Variants in KIF26B observed in about 807,000 individuals in gnomAD.
KIF26B encodes the protein kinesin family member 26B.
In KIF26B, 63 loss-of-function variants were observed where a neutral mutation model predicts 151.2. The observed-to-expected ratio is 0.42, with a 90% CI of 0.34 to 0.51. KIF26B has a LOEUF of 0.51. KIF26B is among the 20% of genes least tolerant of loss of function. KIF26B has a pLI of 0.07. For synonymous variants in KIF26B, 1,357 were observed against 1,262.1 expected (o/e 1.08, Z -1.59); for missense variants, 2,813 against 2,913.6 (o/e 0.97, Z 0.79).
chr1:245,472,370 T>C (rs1456279620), intron 4 of KIF26B, among the ~76,000 whole-genome samples: 1 of 152,196 alleles, frequency 6.6e-6, no homozygotes, highest in Non-Finnish European at 1.5e-5. Context: ...TTATTACAGG[T>C]TGAGTAATAT....
At chr1:245,304,131 T>C (rs1182874551) in intron 2 of KIF26B, among the ~76,000 whole-genome samples, 1 of 152,210 alleles carries the variant, frequency 6.6e-6, no homozygotes, top group Non-Finnish European at 1.5e-5. Flanking sequence ...GGGCACATCT[T>C]ACACTGTCTT....
intron 5 of KIF26B, among the ~76,000 whole-genome samples, chr1:245,579,809 T>C (rs924797999): frequency 8.0e-5 from 12 of 150,500 alleles, no homozygotes; most frequent in African/African-American, 2.7e-4. Context: ...GATTGCGCCA[T>C]TGCACTCCAG....
At chr1:245,531,865 G>A (rs961780653) in intron 4 of KIF26B, among the ~76,000 whole-genome samples, 3 of 152,196 alleles carry the variant, frequency 2.0e-5, no homozygotes, top group African/African-American at 7.2e-5. Context: ...GGGAGGCTGA[G>A]ATGAGAGGAT....
At chr1:245,423,969 G>A (rs1658562929) in intron 4 of KIF26B, among the ~76,000 whole-genome samples, 1 of 151,430 alleles carries the variant, frequency 6.6e-6, no homozygotes, top group Admixed American at 6.6e-5. Context: ...CTCCTGAGTA[G>A]CTGGGACCAC....
At chr1:245,594,481 T>A (rs1483091916) in intron 5 of KIF26B, among the ~76,000 whole-genome samples, 2 of 152,212 alleles carry the variant, frequency 1.3e-5, no homozygotes, top group Non-Finnish European at 2.9e-5. Context: ...TTATTGTAGA[T>A]GTGTGGTGTT....
chr1:245,460,946 A>T (rs1659632603), intron 4 of KIF26B, among the ~76,000 whole-genome samples: 1 of 152,212 alleles, frequency 6.6e-6, no homozygotes, highest in South Asian at 2.1e-4. Flanking sequence ...GTGACCGAAA[A>T]CAAATAGTAA....
intron 9 of KIF26B, among the ~76,000 whole-genome samples, chr1:245,640,303 C>G (rs1280344740): frequency 1.3e-5 from 2 of 150,782 alleles, no homozygotes; most frequent in Admixed American, 1.3e-4. Context: ...CGAAGTATAG[C>G]TAGTCTTGAT....
chr1:245,648,374 C>T (rs568442353), intron 10 of KIF26B, among the ~76,000 whole-genome samples: 13 of 152,176 alleles, frequency 8.5e-5, no homozygotes, highest in South Asian at 8.3e-4. Flanking sequence ...TATGGCCCAG[C>T]GTGGTGGCTC....
chr1:245,295,472 T>C (rs1402736797), intron 2 of KIF26B, among the ~76,000 whole-genome samples: 1 of 152,212 alleles, frequency 6.6e-6, no homozygotes, highest in Non-Finnish European at 1.5e-5. Context: ...CATGGGTTCC[T>C]GTCCTCACAT....
chr1:245,658,341 CTAA>C (rs2044096997), intron 10 of KIF26B, among the ~76,000 whole-genome samples: 1 of 152,178 alleles, frequency 6.6e-6, no homozygotes, highest in African/African-American at 2.4e-5. Flanking sequence ...TATTTCTGCT[CTAA>C]TGAGATGCTC....
intron 2 of KIF26B, among the ~76,000 whole-genome samples, chr1:245,326,433 A>C (rs1671992277): frequency 6.6e-6 from 1 of 152,186 alleles, no homozygotes; most frequent in Admixed American, 6.5e-5. Flanking sequence ...ATTTCTTCCC[A>C]CCCAGCTAGT....
At chr1:245,426,600 G>A (rs1658655164) in intron 4 of KIF26B, among the ~76,000 whole-genome samples, 5 of 152,190 alleles carry the variant, frequency 3.3e-5, no homozygotes, top group Admixed American at 1.3e-4. Flanking sequence ...GCATGTCACT[G>A]ACTGTTGTAT....
intron 2 of KIF26B, among the ~76,000 whole-genome samples, chr1:245,175,138 A>G (rs913571271): frequency 3.9e-5 from 6 of 152,192 alleles, no homozygotes; most frequent in African/African-American, 1.4e-4. Context: ...GTCTTTAGCA[A>G]GGCCATTAGA....
chr1:245,609,210 C>G, intron 7 of KIF26B, 56 bp from the exon 8 acceptor site: 11 of 1,497,236 alleles, frequency 7.3e-6, no homozygotes, highest in Non-Finnish European at 9.9e-6. Flanking sequence ...TTGGAGACTC[C>G]GTGGAATGAT....
chr1:245,658,368 A>G (rs1034616066), intron 10 of KIF26B, among the ~76,000 whole-genome samples: 1 of 152,196 alleles, frequency 6.6e-6, no homozygotes, highest in Non-Finnish European at 1.5e-5. Flanking sequence ...TGGTTCCTCC[A>G]TTAATCATTT....
At chr1:245,468,476 G>A (rs1093922) in intron 4 of KIF26B, among the ~76,000 whole-genome samples, 124,486 of 152,210 alleles carry the variant, frequency 0.82, 51,171 homozygotes, top group African/African-American at 0.89. Context: ...GCAGCAGCCT[G>A]TCACGGTAGT....
intron 10 of KIF26B, among the ~76,000 whole-genome samples, chr1:245,674,883 C>T (rs1470509678): frequency 1.3e-5 from 2 of 152,194 alleles, no homozygotes; most frequent in African/African-American, 4.8e-5. Context: ...CCCAAGACTA[C>T]TGACACCTAC....
intron 10 of KIF26B, among the ~76,000 whole-genome samples, chr1:245,664,587 C>T (rs116645657): frequency 0.014 from 2,092 of 152,056 alleles, 58 homozygotes; most frequent in African/African-American, 0.048. Context: ...CTGACACAGC[C>T]GTCTATATTG....
intron 4 of KIF26B, among the ~76,000 whole-genome samples, chr1:245,533,026 T>G (rs7543381): frequency 6.6e-6 from 1 of 152,222 alleles, no homozygotes; most frequent in African/African-American, 2.4e-5. Context: ...CCTCAGAACG[T>G]AGGATCTTGT....
Sources: gnomAD v4.1 joint callset for allele counts (sites outside exome capture counted in the v4.1 genomes callset) on GRCh38, gnomAD v4.1.1 for gene constraint, MANE v1.5 for transcripts, NCBI Gene and HGNC (gene_info 2026-07-23, HGNC 2026-07-21) for gene names.